Variants in SIMC1 observed in about 807,000 individuals in gnomAD.
SIMC1 encodes the protein SUMO-interacting motif-containing protein 1.
In SIMC1, 55 loss-of-function variants were observed where a neutral mutation model predicts 82.3. The observed-to-expected ratio is 0.67, with a 90% CI of 0.54 to 0.84. SIMC1 has a LOEUF of 0.84. Ranked by LOEUF, SIMC1 falls within the 40% of genes least tolerant of loss-of-function variation. The pLI is 0.00. For synonymous variants in SIMC1, 353 were observed against 426.3 expected (o/e 0.83, Z 2.12); for missense variants, 915 against 1,107.2 (o/e 0.83, Z 2.46).
intron 1 of SIMC1, among the ~76,000 whole-genome samples, chr5:176,285,255 C>G (rs1002881673): frequency 6.6e-6 from 1 of 152,022 alleles, no homozygotes; most frequent in Non-Finnish European, 1.5e-5. Context: ...ACTGGCAAAC[C>G]GAATCCAGCA....
Position 176,295,316 on chromosome 5 carries a change from G to C in SIMC1, c.1664+54G>C, listed in dbSNP as rs1456643535. On this transcript the variant is annotated intron_variant, in intron 3 of 9. Transcript: ENST00000429602. ...GAATCTTCTAGGGATCTTGGACTCAGGGCATAGCTTTCTCTTGACAGGCTT... is the reference window on the plus strand; with the variant it reads ...GAATCTTCTAGGGATCTTGGACTCACGGCATAGCTTTCTCTTGACAGGCTT... 9 of 1,526,842 alleles carry C rather than the reference G, an allele frequency of 5.9e-6. No individual in the cohort carries two copies. In the Admixed American group the frequency reaches 9.0e-5, roughly 15 times the overall value. 94.6% of individuals were successfully genotyped at this position (1,526,842 alleles called of 1,614,324 possible).
intron 1 of SIMC1, among the ~76,000 whole-genome samples, chr5:176,277,561 C>G (rs943125454): frequency 2.6e-5 from 4 of 151,940 alleles, no homozygotes; most frequent in African/African-American, 9.7e-5. Flanking sequence ...AGGTTTTCTT[C>G]TAGGGTTTTT....
Position 176,290,219 on chromosome 5 carries a change from C to T in SIMC1, c.695C>T (p.Ala232Val). 1 of 1,613,416 alleles carries T rather than the reference C, an allele frequency of 6.2e-7. No individual in the cohort carries two copies. The highest frequency in any genetic ancestry group is 1.1e-5 in the South Asian group (1 of 90,882). Residue 232 changes from alanine to valine, a missense_variant, in exon 2 of 10, where the codon GCC becomes GTC. Ala to Val is a moderately conservative substitution (Grantham distance 64). Coordinates refer to ENST00000429602, the MANE Select transcript of SIMC1 (RefSeq NM_001308195.2). ...CGACCTTTGCCATGCCCACCGAGAG[C>T]CTCACCATGTCCACCACGAGCCTCC... ...PLRPLPCPPR[A>V]SPCPPRASSC...
chr5:176,332,945 C>T (rs1263051859), intron 7 of SIMC1, among the ~76,000 whole-genome samples: 1 of 152,194 alleles, frequency 6.6e-6, no homozygotes, highest in African/African-American at 2.4e-5. Context: ...ATCCCAACCC[C>T]TTTCTTAACC....
chr5:176,324,047 C>A (rs915343099), intron 6 of SIMC1, among the ~76,000 whole-genome samples: 11 of 151,380 alleles, frequency 7.3e-5, no homozygotes, highest in African/African-American at 2.7e-4. Flanking sequence ...TCAGGCCAGG[C>A]TCACCTTTCT....
chr5:176,252,301 G>T (rs557326365), intron 1 of SIMC1, among the ~76,000 whole-genome samples: 1 of 152,068 alleles, frequency 6.6e-6, no homozygotes, highest in East Asian at 1.9e-4. Context: ...GGTGGCTGCC[G>T]GGCGGAGACG....
At chr5:176,308,405 C>T in intron 4 of SIMC1, 1 of 1,606,906 alleles carries the variant, frequency 6.2e-7, no homozygotes, top group African/African-American at 1.3e-5. Flanking sequence ...CAGGCCACCC[C>T]ATGAGAGTTG....
intron 1 of SIMC1, among the ~76,000 whole-genome samples, chr5:176,277,229 G>C (rs1398632120): frequency 1.3e-5 from 2 of 151,252 alleles, no homozygotes; most frequent in Non-Finnish European, 3.0e-5. Context: ...TGTGTTTTTT[G>C]GCTGCATAAA....
At chr5:176,245,039 G>A (rs777900004) in intron 1 of SIMC1, among the ~76,000 whole-genome samples, 20 of 152,080 alleles carry the variant, frequency 1.3e-4, no homozygotes, top group Non-Finnish European at 1.9e-4. Context: ...TTACTCATTT[G>A]TTAAATCTAC....
intron 7 of SIMC1, 42 bp downstream of exon 7, chr5:176,324,799 A>T: frequency 4.0e-6 from 6 of 1,503,520 alleles, no homozygotes; most frequent in Non-Finnish European, 5.3e-6. Context: ...ATTTAAAAAA[A>T]AAACAAAAAA....
chr5:176,286,504 T>G (rs182149048), intron 1 of SIMC1, among the ~76,000 whole-genome samples: 1 of 152,348 alleles, frequency 6.6e-6, no homozygotes, highest in African/African-American at 2.4e-5. Context: ...GATTAAAGAC[T>G]TAAATGTTAG....
chr5:176,343,194 G>A (rs994645493), intron 9 of SIMC1, among the ~76,000 whole-genome samples: 12 of 152,174 alleles, frequency 7.9e-5, no homozygotes, highest in Non-Finnish European at 1.3e-4. Context: ...CTGATAAACC[G>A]CTTAAAATGT....
intron 7 of SIMC1, among the ~76,000 whole-genome samples, chr5:176,328,913 C>T (rs1765506969): frequency 6.6e-6 from 1 of 151,906 alleles, no homozygotes; most frequent in Non-Finnish European, 1.5e-5. Flanking sequence ...TTTTTTTTAA[C>T]CTTTTATTTT....
intron 4 of SIMC1, among the ~76,000 whole-genome samples, chr5:176,305,873 G>T (rs1475723543): frequency 1.5e-5 from 1 of 66,324 alleles, no homozygotes; most frequent in East Asian, 4.7e-4. Context: ...CAGCCCCCCT[G>T]CCCGGCCAGC....
intron 1 of SIMC1, among the ~76,000 whole-genome samples, chr5:176,278,934 G>A (rs1230327622): frequency 1.3e-5 from 2 of 151,972 alleles, no homozygotes; most frequent in Admixed American, 6.6e-5. Flanking sequence ...GTCTCTGCCC[G>A]GCTTTGTTAT....
intron 1 of SIMC1, among the ~76,000 whole-genome samples, chr5:176,274,766 CT>C (rs1561684353): frequency 6.6e-6 from 1 of 151,838 alleles, no homozygotes. Flanking sequence ...CTAGGGAATC[CT>C]TTCCCCATTG....
chr5:176,305,612 C>A (rs866310767), intron 4 of SIMC1, among the ~76,000 whole-genome samples: 95 of 143,580 alleles, frequency 6.6e-4, no homozygotes, highest in African/African-American at 2.4e-3. Flanking sequence ...GCCAACCCCC[C>A]CGTCTGGGAG....
At chr5:176,275,506 T>G (rs1762646659) in intron 1 of SIMC1, among the ~76,000 whole-genome samples, 1 of 151,912 alleles carries the variant, frequency 6.6e-6, no homozygotes, top group Admixed American at 6.6e-5. Context: ...CTTCCAACAC[T>G]GTGTTGAAGA....
chr5:176,268,020 G>A (rs1337366858), intron 1 of SIMC1, among the ~76,000 whole-genome samples: 2 of 151,576 alleles, frequency 1.3e-5, no homozygotes, highest in Non-Finnish European at 2.9e-5. Context: ...AAAGTGCTAG[G>A]ACTACAAGCC....
Sources: gnomAD v4.1 joint callset for allele counts (sites outside exome capture counted in the v4.1 genomes callset) on GRCh38, gnomAD v4.1.1 for gene constraint, MANE v1.5 for transcripts, NCBI Gene and HGNC (gene_info 2026-07-23, HGNC 2026-07-21) for gene names.